The following XRRA1 variants were observed in gnomAD, a reference collection of about 807,000 sequenced individuals.
XRRA1 encodes the protein X-ray radiation resistance associated 1, also known as X-ray radiation resistance-associated protein 1.
A neutral mutation model predicts 80.2 loss-of-function variants in XRRA1; 69 were observed. That is an observed-to-expected ratio of 0.86 (90% CI 0.71 to 1.05). XRRA1 has a LOEUF of 1.05. Among genes scored for constraint, XRRA1 ranks in the 50% least tolerant of loss-of-function variants. XRRA1 has a pLI of 0.00. For synonymous variants in XRRA1, 348 were observed against 389.9 expected, an observed-to-expected ratio of 0.89 and a Z score of 1.27; for missense variants, 967 against 976.4, an observed-to-expected ratio of 0.99 and a Z score of 0.13.
chr11:74,897,531 T>C (rs528025268), intron 10 of XRRA1, among the ~76,000 whole-genome samples: 1 of 152,016 alleles, frequency 6.6e-6, no homozygotes, highest in African/African-American at 2.4e-5. Context: ...ACCAAGTAGA[T>C]TTAAGCCTAA....
chr11:74,929,416 A>G (rs550794561), intron 6 of XRRA1, among the ~76,000 whole-genome samples: 1 of 152,168 alleles, frequency 6.6e-6, no homozygotes, highest in South Asian at 2.1e-4. Flanking sequence ...TTCTTCTCTT[A>G]TAATCCACTC....
At chr11:74,928,731 T>C (rs1386365349) in intron 6 of XRRA1, among the ~76,000 whole-genome samples, 1 of 152,210 alleles carries the variant, frequency 6.6e-6, no homozygotes, top group Admixed American at 6.5e-5. Context: ...TTTGTGAATA[T>C]TTCTGGATGT....
At chr11:74,884,359 G>C (rs141109912) in intron 10 of XRRA1, among the ~76,000 whole-genome samples, 2 of 152,158 alleles carry the variant, frequency 1.3e-5, no homozygotes, top group Non-Finnish European at 2.9e-5. Context: ...TACAGTAAAG[G>C]AATGGGCAGT....
At chr11:74,879,532 T>TG (rs1258589933) in intron 10 of XRRA1, among the ~76,000 whole-genome samples, 1 of 152,044 alleles carries the variant, frequency 6.6e-6, no homozygotes, top group African/African-American at 2.4e-5. Context: ...AGGGCATCCC[T>TG]GTCTTGTGCC....
At chr11:74,943,281 C>A (rs1946710678) in intron 2 of XRRA1, among the ~76,000 whole-genome samples, 1 of 152,072 alleles carries the variant, frequency 6.6e-6, no homozygotes, top group African/African-American at 2.4e-5. Context: ...TCAGTCTTTT[C>A]TTCATCAAAT....
At chr11:74,880,691 C>CT (rs1337532949) in intron 10 of XRRA1, among the ~76,000 whole-genome samples, 1 of 149,738 alleles carries the variant, frequency 6.7e-6, no homozygotes, top group Non-Finnish European at 1.5e-5. Flanking sequence ...CAAAGAACAT[C>CT]TTTATTTCTG....
intron 7 of XRRA1, among the ~76,000 whole-genome samples, chr11:74,922,115 G>A: frequency 6.6e-6 from 1 of 151,998 alleles, no homozygotes; most frequent in East Asian, 1.9e-4. Flanking sequence ...AAATTAGCCA[G>A]GCATGGTGGC....
chr11:74,885,977 A>C (rs1414241012), intron 10 of XRRA1, among the ~76,000 whole-genome samples: 5 of 152,256 alleles, frequency 3.3e-5, no homozygotes, highest in Non-Finnish European at 7.3e-5. Flanking sequence ...TGATCATCTT[A>C]ATAAATGCAG....
chr11:74,937,198 T>G (rs1945205871), intron 3 of XRRA1, 130 bp from the exon 4 acceptor site: 1 of 944,922 alleles, frequency 1.1e-6, no homozygotes, highest in Non-Finnish European at 1.5e-6. Flanking sequence ...GATACAATAC[T>G]GCAGCTGGGG....
intron 10 of XRRA1, among the ~76,000 whole-genome samples, chr11:74,867,927 T>TTTA (rs1187651089): frequency 2.7e-5 from 4 of 146,458 alleles, no homozygotes; most frequent in Non-Finnish European, 6.0e-5. Flanking sequence ...CTTTTTTTTT[T>TTTA]TTTTTTTTTC....
intron 2 of XRRA1, among the ~76,000 whole-genome samples, chr11:74,943,524 G>GGGGTGTGTGTGTGTGTGT (rs1330173160): frequency 4.6e-4 from 63 of 137,846 alleles, no homozygotes; most frequent in African/African-American, 1.6e-3. Flanking sequence ...AGAGTAGGAG[G>GGGGTGTGTGTGTGTGTGT]GTGTGTGTGT....
intron 5 of XRRA1, 75 bp from the exon 6 acceptor site, chr11:74,930,447 C>T: frequency 8.4e-7 from 1 of 1,185,748 alleles, no homozygotes. Context: ...GCTGAAGCTT[C>T]AGGGCCACTG....
intron 10 of XRRA1, among the ~76,000 whole-genome samples, chr11:74,892,266 C>CTG (rs1336578633): frequency 3.3e-5 from 5 of 152,196 alleles, no homozygotes; most frequent in Non-Finnish European, 7.3e-5. Flanking sequence ...CTACAACCAT[C>CTG]TGATCTTTGA....
intron 10 of XRRA1, among the ~76,000 whole-genome samples, chr11:74,884,010 CT>C (rs2048395790): frequency 6.6e-6 from 1 of 152,046 alleles, no homozygotes; most frequent in Non-Finnish European, 1.5e-5. Context: ...CCAGCCTGGG[CT>C]AACATGGTGA....
chr11:74,854,014 A>C (rs1268063068), intron 12 of XRRA1, among the ~76,000 whole-genome samples: 1 of 152,134 alleles, frequency 6.6e-6, no homozygotes, highest in Admixed American at 6.5e-5. Context: ...GGGAGGTACA[A>C]GAGAGAGAAG....
intron 10 of XRRA1, among the ~76,000 whole-genome samples, chr11:74,901,114 C>T (rs1159852922): frequency 2.0e-5 from 3 of 152,194 alleles, no homozygotes; most frequent in Admixed American, 6.5e-5. Flanking sequence ...TTTCAGGACT[C>T]GAAGTCAACA....
chr11:74,938,867 A>G (rs1001456934), intron 3 of XRRA1, among the ~76,000 whole-genome samples: 1 of 152,098 alleles, frequency 6.6e-6, no homozygotes, highest in Admixed American at 6.6e-5. Context: ...TTGAAAAAAA[A>G]AATCTGTCTA....
chr11:74,868,107 CAG>C (rs1314761354), intron 10 of XRRA1, among the ~76,000 whole-genome samples: 2 of 151,952 alleles, frequency 1.3e-5, no homozygotes, highest in African/African-American at 2.4e-5. Flanking sequence ...TTAGTAGAGA[CAG>C]GGTTTCACCA....
chr11:74,861,169 T>C (rs1482976708), intron 11 of XRRA1, among the ~76,000 whole-genome samples: 2 of 152,186 alleles, frequency 1.3e-5, no homozygotes, highest in East Asian at 3.8e-4. Context: ...TCACCTTATA[T>C]GCCTTTTCAT....
Sources: gnomAD v4.1 joint callset for allele counts (sites outside exome capture counted in the v4.1 genomes callset) on GRCh38, gnomAD v4.1.1 for gene constraint, MANE v1.5 for transcripts, NCBI Gene and HGNC (gene_info 2026-07-23, HGNC 2026-07-21) for gene names.